IPO11: variants seen among roughly 807,000 people sequenced by gnomAD.
The protein encoded by IPO11 is importin 11, also known as importin-11.
Under a neutral mutation model 143.2 loss-of-function variants are expected in IPO11, and 66 were observed. The ratio of observed to expected loss-of-function variants is 0.46; its 90% CI spans 0.38 to 0.57. IPO11 has a LOEUF of 0.57. Ranked by LOEUF, IPO11 falls within the 20% of genes least tolerant of loss-of-function variation. The pLI is 0.00. For missense variants in IPO11, 1,026 were observed against 1,141.0 expected (o/e 0.90, Z 1.45); for synonymous variants, 385 against 377.8 (o/e 1.02, Z -0.22).
intron 13 of IPO11, among the ~76,000 whole-genome samples, chr5:62,488,136 A>G (rs944990548): frequency 2.6e-5 from 4 of 151,866 alleles, no homozygotes; most frequent in African/African-American, 9.7e-5. Context: ...GTCTATCTGG[A>G]GCGTGTTGTG....
At chr5:62,416,455 T>G (rs543771536) in intron 1 of IPO11, among the ~76,000 whole-genome samples, 75 of 152,264 alleles carry the variant, frequency 4.9e-4, no homozygotes, top group Non-Finnish European at 3.1e-4. Context: ...GTGCTGGGAT[T>G]ACAGGCGTGA....
chr5:62,426,623 T>C (rs2112107236), intron 1 of IPO11, among the ~76,000 whole-genome samples: 1 of 152,202 alleles, frequency 6.6e-6, no homozygotes, highest in East Asian at 1.9e-4. Flanking sequence ...TTTAAGCAGA[T>C]GTAAAATGAA....
At chr5:62,545,839 A>G (rs576710686) in intron 24 of IPO11, among the ~76,000 whole-genome samples, 133 of 152,366 alleles carry the variant, frequency 8.7e-4, no homozygotes, top group African/African-American at 2.9e-3. Flanking sequence ...CAACAGATAC[A>G]TGAAAAAATG....
rs913492297 is a variant in IPO11 at position 62,463,066 on chromosome 5, C to T, written c.517-4065C>T. Reference sequence around the variant, plus strand: ...AAAACATTCAATTTATTTTTAGAGACAGTGTCTCACTCTTGTCCTGGCTGG... The same window carrying T: ...AAAACATTCAATTTATTTTTAGAGATAGTGTCTCACTCTTGTCCTGGCTGG... On this transcript the variant is annotated intron_variant, in intron 5 of 29. Transcript: ENST00000325324. Among the ~76,000 whole-genome samples the T allele has an allele frequency of 2.0e-5, 3 of 151,920 alleles. No individual in the cohort carries two copies. The South Asian group carries it at 6.2e-4, about 32-fold the overall frequency.
chr5:62,557,607 TATAGGCTAGTGA>T (rs1743622198), intron 26 of IPO11, among the ~76,000 whole-genome samples: 2 of 152,266 alleles, frequency 1.3e-5, no homozygotes, highest in African/African-American at 2.4e-5. Context: ...TTCCTCCATC[TATAGGCTAGTGA>T]GCTAATCCAG....
intron 1 of IPO11, among the ~76,000 whole-genome samples, chr5:62,417,076 A>T (rs943873381): frequency 6.6e-6 from 1 of 151,300 alleles, no homozygotes. Flanking sequence ...CTTACCTTAG[A>T]TTCTTAGATT....
intron 27 of IPO11, among the ~76,000 whole-genome samples, chr5:62,589,847 G>A (rs1744946919): frequency 6.6e-6 from 1 of 152,178 alleles, no homozygotes; most frequent in Non-Finnish European, 1.5e-5. Context: ...TGTCCATGGA[G>A]TAGTAGGGTC....
intron 24 of IPO11, among the ~76,000 whole-genome samples, chr5:62,540,955 GA>G (rs1459356186): frequency 6.6e-6 from 1 of 152,108 alleles, no homozygotes; most frequent in East Asian, 1.9e-4. Flanking sequence ...CCATTTATTT[GA>G]AATAAATACT....
chr5:62,501,242 A>G (rs1580253652), intron 16 of IPO11, among the ~76,000 whole-genome samples: 3 of 151,684 alleles, frequency 2.0e-5, no homozygotes, highest in African/African-American at 2.4e-5. Context: ...CTATTTACCT[A>G]TCCTTTGTAT....
At chr5:62,607,473 A>G (rs1050577100) in intron 29 of IPO11, among the ~76,000 whole-genome samples, 6 of 152,194 alleles carry the variant, frequency 3.9e-5, no homozygotes, top group African/African-American at 1.2e-4. Flanking sequence ...CAGCAGAACT[A>G]CTATAAAGAT....
intron 29 of IPO11, among the ~76,000 whole-genome samples, chr5:62,623,561 A>G (rs930876498): frequency 6.6e-6 from 1 of 151,934 alleles, no homozygotes; most frequent in Non-Finnish European, 1.5e-5. Context: ...GGAATAAAAG[A>G]ATGGCTACTC....
At chr5:62,608,899 T>G (rs1433085850) in intron 29 of IPO11, among the ~76,000 whole-genome samples, 1 of 152,256 alleles carries the variant, frequency 6.6e-6, no homozygotes, top group Non-Finnish European at 1.5e-5. Flanking sequence ...TTCAAAATCC[T>G]GTGCTCTGCC....
intron 27 of IPO11, chr5:62,580,385 A>G (rs1310989561): frequency 2.2e-5 from 34 of 1,548,718 alleles, no homozygotes; most frequent in Non-Finnish European, 2.9e-5. Context: ...ATTAGCATTG[A>G]TAATGATACA....
At chr5:62,439,843 G>T (rs577151146) in intron 2 of IPO11, among the ~76,000 whole-genome samples, 1 of 152,176 alleles carries the variant, frequency 6.6e-6, no homozygotes, top group South Asian at 2.1e-4. Flanking sequence ...TTACCTAGCT[G>T]TCCATTCTAG....
At chr5:62,567,166 T>C (rs1436414234) in intron 27 of IPO11, among the ~76,000 whole-genome samples, 1 of 152,244 alleles carries the variant, frequency 6.6e-6, no homozygotes, top group African/African-American at 2.4e-5. Flanking sequence ...CTCTCCTGCA[T>C]GTTTGAAGTA....
intron 5 of IPO11, among the ~76,000 whole-genome samples, chr5:62,465,385 G>T (rs144792356): frequency 1.8e-3 from 268 of 152,186 alleles, no homozygotes; most frequent in African/African-American, 6.2e-3. Context: ...TCATTTTATG[G>T]TTTACTGAAG....
chr5:62,505,297 C>T (rs1184184543), intron 18 of IPO11, among the ~76,000 whole-genome samples: 3 of 152,006 alleles, frequency 2.0e-5, no homozygotes, highest in Non-Finnish European at 2.9e-5. Context: ...AATTACTTGA[C>T]GAGCAGAATA....
At chr5:62,587,873 C>G (rs539655420) in intron 27 of IPO11, among the ~76,000 whole-genome samples, 1 of 152,106 alleles carries the variant, frequency 6.6e-6, no homozygotes, top group Non-Finnish European at 1.5e-5. Context: ...ACTGGTGGAG[C>G]GACAATTTGA....
chr5:62,476,686 G>A lies in IPO11; in HGVS notation c.761G>A (p.Arg254Lys), dbSNP rs775195938. ...ERLKQFLECSRSIGTDNVCRD... is the reference protein window; with the variant it reads ...ERLKQFLECSKSIGTDNVCRD... ...ATTTGAAATGTATTTTTAACAGGTA[G>A]AAGTATAGGTACAGATAATGTGTGT... The change falls in exon 9 of 30, where the codon AGA becomes AAA. Residue 254 changes from arginine (R) to lysine (K), a missense_variant. Physicochemically the swap from Arg to Lys is conservative, Grantham distance 26. Around this residue, in one of 5 missense-constraint regions of IPO11, gnomAD observed 429 missense variants for 456.3 expected, o/e 0.94. Transcript: ENST00000325324. 5.3e-6 allele frequency: 8 copies of A among 1,512,280 alleles called. No homozygotes were observed. The highest frequency in any genetic ancestry group is 2.5e-5 in the East Asian group (1 of 40,276). 93.7% of individuals were successfully genotyped at this position (1,512,280 alleles called of 1,614,324 possible).
Sources: allele counts gnomAD v4.1 joint callset (sites outside exome capture counted in the v4.1 genomes callset), GRCh38; gene constraint gnomAD v4.1.1; regional missense constraint gnomAD v4.1.1; transcripts MANE v1.5; gene names NCBI Gene and HGNC (gene_info 2026-07-23, HGNC 2026-07-21).